The following SQSTM1 variants were observed in gnomAD, a reference collection of about 807,000 sequenced individuals.
SQSTM1 encodes sequestosome 1.
A neutral mutation model predicts 45.1 loss-of-function variants in SQSTM1; 36 were observed. The observed-to-expected ratio is 0.80, with a 90% CI of 0.61 to 1.05. The LOEUF is 1.05. SQSTM1 is among the 50% of genes least tolerant of loss of function. The pLI is 0.00. For synonymous variants in SQSTM1, 290 were observed against 244.3 expected, an observed-to-expected ratio of 1.19 and a Z score of -1.74; for missense variants, 617 against 607.1, an observed-to-expected ratio of 1.02 and a Z score of -0.17.
chr5:179,833,336 G>GC (rs1758334963), intron 6 of SQSTM1, 90 bp downstream of exon 6: 2 of 1,304,750 alleles, frequency 1.5e-6, no homozygotes, highest in Non-Finnish European at 1.1e-6. Context: ...CACCTCTGCA[G>GC]CCCCACTTAC....
intron 5 of SQSTM1, among the ~76,000 whole-genome samples, chr5:179,829,221 C>T (rs952970296): frequency 6.6e-6 from 1 of 152,184 alleles, no homozygotes; most frequent in African/African-American, 2.4e-5. Flanking sequence ...AACTGGGCAT[C>T]CCGAATGAGC....
chr5:179,822,328 T>C (rs1221758632), intron 1 of SQSTM1, among the ~76,000 whole-genome samples: 1 of 152,252 alleles, frequency 6.6e-6, no homozygotes, highest in Non-Finnish European at 1.5e-5. Context: ...TGTTCATTAG[T>C]TGACAGACAT....
chr5:179,824,333 G>A lies in SQSTM1; in HGVS notation c.673+10G>A, dbSNP rs753023157. On this transcript the variant is annotated intron_variant, in intron 4 of 7. Transcript: ENST00000389805. ...CCCACGGCAGAATCAGGTGAGGCTTGTGTTGGAACCTGCTTCTGATTGGTG... is the reference window on the plus strand; with the variant it reads ...CCCACGGCAGAATCAGGTGAGGCTTATGTTGGAACCTGCTTCTGATTGGTG... 6.2e-7 allele frequency: 1 copy of A among 1,613,308 alleles called. No individual in the cohort carries two copies. Among genetic ancestry groups the A allele is most frequent in the Admixed American group, 1.7e-5 (1 of 60,004 alleles).
In SQSTM1 at chr5:179,806,572, G is replaced by A; in HGVS notation, c.-176G>A. On this transcript the variant is annotated 5_prime_UTR_variant, in exon 1 of 6. Coordinates refer to the SQSTM1 transcript ENST00000514093. This position sits in a 1 kb window ranked among gnomAD's most constrained non-coding sequence, Gnocchi z 4.6. ...GCAGCAGCGTCAGGAAGGTGCCATT[G>A]CGGAGCCTCATCTCCTCGGGTGCGC... is the stretch of plus-strand genomic sequence containing the variant. 1 of 1,291,098 alleles carries A rather than the reference G, an allele frequency of 7.7e-7. No individual in the cohort carries two copies. The allele number at this position is 1,291,098 out of a possible 1,614,324, so 80.0% of individuals were successfully genotyped here.
At chr5:179,829,243 C>T (rs1008610237) in intron 5 of SQSTM1, among the ~76,000 whole-genome samples, 1 of 152,198 alleles carries the variant, frequency 6.6e-6, no homozygotes, top group Admixed American at 6.5e-5. Context: ...ATGGGCCCAG[C>T]AGTCAGTTCC....
At chr5:179,833,302 C>T (rs967228626) in intron 6 of SQSTM1, 56 bp downstream of exon 6, 1 of 1,480,724 alleles carries the variant, frequency 6.8e-7, no homozygotes, top group South Asian at 1.2e-5. Flanking sequence ...TGATCTGTGG[C>T]CTGCACCTCC....
chr5:179,815,617 G>A (rs1419478246), upstream of SQSTM1, among the ~76,000 whole-genome samples: 2 of 152,112 alleles, frequency 1.3e-5, no homozygotes, highest in East Asian at 3.8e-4. Context: ...CAAGGCTCCT[G>A]CTTCCAGATG....
At chr5:179,817,160 C>CCAGT (rs535826886), upstream of SQSTM1, among the ~76,000 whole-genome samples, 3 of 152,302 alleles carry the variant, frequency 2.0e-5, no homozygotes, top group South Asian at 6.2e-4. Context: ...GGGTTCGGGT[C>CCAGT]CAGTCTCCTC....
rs1562655554 is a variant in SQSTM1, at chr5:179,824,225, A to G, written c.575A>G (p.His192Arg). ...SRWLRKVKHG[H>R]FGWPGWEMGP... is the part of the protein sequence containing the mutation. The stretch of plus-strand genomic sequence containing the variant: ...TGGCTCCGGAAGGTGAAACACGGAC[A>G]CTTCGGGTGGCCAGGATGGGAAATG... Residue 192 changes from histidine (H) to arginine (R), a missense_variant, in exon 4 of 8, where the codon CAC (histidine) becomes CGC (arginine). Transcript: ENST00000389805. 9.9e-6 allele frequency: 16 copies of G among 1,613,870 alleles called. No homozygotes were observed. The highest frequency in any genetic ancestry group is 1.3e-5 in the Non-Finnish European group (15 of 1,180,044).
At chr5:179,826,052 A>G (rs1757974975) in intron 5 of SQSTM1, among the ~76,000 whole-genome samples, 1 of 152,106 alleles carries the variant, frequency 6.6e-6, no homozygotes, top group Non-Finnish European at 1.5e-5. Context: ...CAGCCTGTCC[A>G]AAGGTTGTGT....
chr5:179,810,936 G>T (rs1757374935), intron 1 of SQSTM1, among the ~76,000 whole-genome samples: 2 of 152,156 alleles, frequency 1.3e-5, no homozygotes, highest in South Asian at 4.1e-4. Flanking sequence ...AAGTGACTCA[G>T]TTGGGCACTG....
chr5:179,836,319 G>A, intron 7 of SQSTM1, 117 bp from the exon 8 acceptor site: 1 of 1,388,512 alleles, frequency 7.2e-7, no homozygotes, highest in Non-Finnish European at 1.0e-6. Flanking sequence ...GAGAGCTCTG[G>A]GCAGGCTCGG....
Position 179,836,760 on chromosome 5 carries a change from A to G in SQSTM1, c.*167A>G. On this transcript the variant is annotated 3_prime_UTR_variant, in exon 8 of 8. Coordinates refer to ENST00000389805, the MANE Select transcript of SQSTM1 (RefSeq NM_003900.5). Reference sequence around the variant, plus strand: ...GCAGCAAAACAAGTGACATGAAGGGAGGGTCCCTGTGTGTGTGTGTGCTGA... The same window carrying G: ...GCAGCAAAACAAGTGACATGAAGGGGGGGTCCCTGTGTGTGTGTGTGCTGA... The G allele has an allele frequency of 1.9e-6, 2 of 1,032,786 alleles. No homozygotes were observed. Among genetic ancestry groups the G allele is most frequent in the South Asian group, 1.3e-5 (1 of 76,226 alleles). The allele number at this position is 1,032,786 out of a possible 1,614,324, so 64.0% of individuals were successfully genotyped here.
chr5:179,817,601 A>T (rs984484844), upstream of SQSTM1, among the ~76,000 whole-genome samples: 3 of 152,238 alleles, frequency 2.0e-5, no homozygotes, highest in Admixed American at 6.5e-5. Flanking sequence ...ATGTCTGTCC[A>T]TGACTTGAAC....
chr5:179,836,181 A>G (rs1185509061), intron 7 of SQSTM1: 3 of 587,700 alleles, frequency 5.1e-6, no homozygotes, highest in Non-Finnish European at 9.1e-6. Flanking sequence ...TGCCTATTTC[A>G]GTGTCCATTG....
chr5:179,833,445 G>A (rs997075176), intron 6 of SQSTM1, 142 bp from the exon 7 acceptor site: 32 of 1,012,236 alleles, frequency 3.2e-5, no homozygotes, highest in Non-Finnish European at 4.6e-5. Flanking sequence ...TTTGTGAGTG[G>A]CCACTGTTCC....
chr5:179,818,323 C>T (rs1052066740), upstream of SQSTM1, among the ~76,000 whole-genome samples: 3 of 152,158 alleles, frequency 2.0e-5, no homozygotes, highest in African/African-American at 7.2e-5. Context: ...GAACTCATCC[C>T]CTGTGTCCCC....
At chr5:179,827,332 C>T (rs1435372783) in intron 5 of SQSTM1, among the ~76,000 whole-genome samples, 2 of 152,112 alleles carry the variant, frequency 1.3e-5, no homozygotes, top group African/African-American at 2.4e-5. Context: ...GACGGAGTCT[C>T]GCTCTGTTGC....
intron 2 of SQSTM1, chr5:179,823,585 G>C (rs1443762960): frequency 1.9e-6 from 1 of 533,834 alleles, no homozygotes; most frequent in African/African-American, 1.9e-5. Flanking sequence ...GTCTGGTGCC[G>C]TGGCGCTTGG....
Sources: allele counts gnomAD v4.1 joint callset (sites outside exome capture counted in the v4.1 genomes callset), GRCh38; gene constraint gnomAD v4.1.1; non-coding constraint Gnocchi (gnomAD v3.1); transcripts MANE v1.5; gene names NCBI Gene and HGNC (gene_info 2026-07-23, HGNC 2026-07-21).